Variants in MCC observed in about 807,000 individuals in gnomAD.
MCC encodes the protein MCC regulator of Wnt signaling pathway.
Under a neutral mutation model 116.2 loss-of-function variants are expected in MCC, and 90 were observed. The observed-to-expected ratio is 0.77, with a 90% CI of 0.65 to 0.92. The LOEUF (loss-of-function observed/expected upper bound fraction) is 0.92, where lower values mean the gene tolerates loss of function less well. Ranked by LOEUF, MCC falls within the 40% of genes least tolerant of loss-of-function variation. MCC has a pLI of 0.00. For synonymous variants in MCC, 578 were observed against 510.5 expected (o/e 1.13, Z -1.78); for missense variants, 1,516 against 1,312.2 (o/e 1.16, Z -2.40).
chr5:113,470,360 C>G (rs1326772108), intron 1 of MCC, among the ~76,000 whole-genome samples: 1 of 151,478 alleles, frequency 6.6e-6, no homozygotes, highest in Non-Finnish European at 1.5e-5. Flanking sequence ...TTCAGGAGCT[C>G]TTTTAGGGCA....
At chr5:113,446,486 T>C (rs1771222261) in intron 1 of MCC, among the ~76,000 whole-genome samples, 1 of 152,010 alleles carries the variant, frequency 6.6e-6, no homozygotes, top group African/African-American at 2.4e-5. Flanking sequence ...CTGATAAACA[T>C]GAAAAAACTG....
At position 113,071,225 on chromosome 5, in the gene MCC, C is replaced by A; in HGVS notation, c.1794G>T (p.Glu598Asp). 1 of 1,613,658 alleles carries A rather than the reference C, an allele frequency of 6.2e-7. No homozygotes were observed. Among genetic ancestry groups the A allele is most frequent in the South Asian group, 1.1e-5 (1 of 90,916 alleles). Reference sequence around the variant, plus strand: ...GGAGGTCATTTTGGGATTTGAGGTGCTCAATCCGGCTACAAAGGAACAAAA... The same window carrying A: ...GGAGGTCATTTTGGGATTTGAGGTGATCAATCCGGCTACAAAGGAACAAAA... Reference protein sequence around the residue: ...VETERLNSRIEHLKSQNDLLT... With the variant: ...VETERLNSRIDHLKSQNDLLT... Residue 598 changes from glutamate to aspartate, a missense_variant, in exon 12 of 19, where the codon GAG becomes GAT. By Grantham distance (45) the Glu-to-Asp change is conservative. Transcript: ENST00000408903.
At chr5:113,291,372 T>C (rs1020122885) in intron 3 of MCC, among the ~76,000 whole-genome samples, 2 of 152,146 alleles carry the variant, frequency 1.3e-5, no homozygotes, top group African/African-American at 4.8e-5. Context: ...CAACCAGAAA[T>C]TGATTAAACT....
chr5:113,068,177 C>G lies in MCC; in HGVS notation c.1932G>C (p.Gln644His), dbSNP rs1431184424. The change falls in exon 13 of 19, where the codon CAG (glutamine) becomes CAC (histidine). Residue 644 changes from glutamine (Q) to histidine (H), a missense_variant. Physicochemically the swap from Gln to His is conservative, Grantham distance 24. Coordinates refer to ENST00000408903, the MANE Select transcript of MCC (RefSeq NM_001085377.2). Reference protein sequence around the residue: ...ALRLALQYSEQCIEAYELLLA... With the variant: ...ALRLALQYSEHCIEAYELLLA... The stretch of plus-strand genomic sequence containing the variant: ...GGAGGAGTTCGTAGGCTTCGATGCA[C>G]TGCTCGCTGAAACAAAGCACATGGG... 7 of 1,613,686 alleles carry G rather than the reference C, an allele frequency of 4.3e-6. 1 individual carries two copies. In the South Asian group the frequency reaches 6.6e-5, roughly 15 times the overall value.
chr5:113,340,475 C>G, intron 3 of MCC, 44 bp downstream of exon 3: 1 of 1,532,606 alleles, frequency 6.5e-7, no homozygotes, highest in Non-Finnish European at 9.0e-7. Flanking sequence ...TATTGGAATA[C>G]AGACAGGCCG....
At chr5:113,247,513 A>C (rs997471244) in intron 3 of MCC, among the ~76,000 whole-genome samples, 17 of 152,226 alleles carry the variant, frequency 1.1e-4, no homozygotes, top group Non-Finnish European at 1.9e-4. Context: ...CTACTGGTAG[A>C]AATTTCTTCA....
Position 113,319,165 on chromosome 5 carries a change from G to A in MCC, c.627+21354C>T, listed in dbSNP as rs551115931. Among the ~76,000 whole-genome samples the A allele has an allele frequency of 2.6e-5, 4 of 152,342 alleles. No homozygotes were observed. The South Asian group carries it at 8.3e-4, about 32-fold the overall frequency. ...CTATAGGCGTGAACCTCTGTGCCAA[G>A]CCTTCTAATACTATTATTAATGGAA... On this transcript the variant is annotated intron_variant, in intron 3 of 18. Transcript: ENST00000408903.
chr5:113,045,209 T>C (rs1269281983), intron 16 of MCC, among the ~76,000 whole-genome samples: 6 of 152,330 alleles, frequency 3.9e-5, no homozygotes, highest in African/African-American at 1.4e-4. Flanking sequence ...TCTCACTGAA[T>C]ATACTTGGCA....
chr5:113,173,987 T>C (rs1304292444), intron 3 of MCC, among the ~76,000 whole-genome samples: 5 of 152,010 alleles, frequency 3.3e-5, no homozygotes, highest in African/African-American at 9.7e-5. Context: ...AAAGGGGAAA[T>C]GAACATGGAG....
intron 1 of MCC, among the ~76,000 whole-genome samples, chr5:113,412,755 C>T (rs1306108544): frequency 6.6e-6 from 1 of 152,136 alleles, no homozygotes; most frequent in African/African-American, 2.4e-5. Context: ...TAATTGAATA[C>T]CATTTATTTC....
chr5:113,069,787 T>C (rs1382479773), intron 12 of MCC, among the ~76,000 whole-genome samples: 1 of 152,098 alleles, frequency 6.6e-6, no homozygotes, highest in African/African-American at 2.4e-5. Flanking sequence ...GGGGTTTCAC[T>C]GTGTTAGCCA....
chr5:113,430,329 G>C (rs1770595918), intron 1 of MCC, among the ~76,000 whole-genome samples: 1 of 152,194 alleles, frequency 6.6e-6, no homozygotes, highest in Non-Finnish European at 1.5e-5. Flanking sequence ...TAGTAGGGCA[G>C]AGCACTAGGT....
rs540966129 is a variant in MCC, at chr5:113,025,214, T to C, written c.*2088A>G. 6.0e-5 allele frequency: 9 copies of C among 150,610 alleles called. No homozygotes were observed. The highest frequency in any genetic ancestry group is 8.8e-5 in the Non-Finnish European group (6 of 67,804). 9.3% of individuals were successfully genotyped at this position (150,610 alleles called of 1,614,324 possible). On this transcript the variant is annotated 3_prime_UTR_variant, in exon 19 of 19. Coordinates refer to ENST00000408903, the MANE Select transcript of MCC (RefSeq NM_001085377.2). Reference sequence around the variant, plus strand: ...CTTTGCTCAGGGGAGGACGTTTCCCTAGGCAAGCTGGAAAAATAGTGAAAA... The same window carrying C: ...CTTTGCTCAGGGGAGGACGTTTCCCCAGGCAAGCTGGAAAAATAGTGAAAA...
In MCC at chr5:113,063,593, G is replaced by A. The variant is rs76428589; in HGVS notation, c.2213+391C>T. Among the ~76,000 whole-genome samples the A allele has an allele frequency of 2.6e-3, 390 of 152,304 alleles. 11 individuals are homozygous for A. In the East Asian group the frequency reaches 0.041, roughly 16 times the overall value. On this transcript the variant is annotated intron_variant, in intron 14 of 18. Coordinates refer to ENST00000408903, the MANE Select transcript of MCC (RefSeq NM_001085377.2). ...CTAGGATGAGCTGGGCTGGGCCTTG[G>A]GACCAGAGGGACCATTTGGAGCAAA...
intron 3 of MCC, among the ~76,000 whole-genome samples, chr5:113,173,421 T>A (rs1287699389): frequency 6.6e-6 from 1 of 152,226 alleles, no homozygotes; most frequent in Non-Finnish European, 1.5e-5. Context: ...CAATATTATG[T>A]TTAATGTTGC....
intron 5 of MCC, among the ~76,000 whole-genome samples, chr5:113,139,462 T>C (rs184968433): frequency 8.5e-5 from 13 of 152,270 alleles, no homozygotes; most frequent in Non-Finnish European, 1.5e-4. Context: ...GAACCCTTAG[T>C]TCCTAATCTC....
At position 113,064,102 on chromosome 5, in the gene MCC, C is replaced by G; in HGVS notation, c.2095G>C (p.Ala699Pro). 1 of 1,614,222 alleles carries G rather than the reference C, an allele frequency of 6.2e-7. No individual in the cohort carries two copies. ...AGCAGGGCCTTGGCAGCGTTCTCAGCTGTCTTCCGGCAGTCATGAGCTCGC... is the reference window on the plus strand; with the variant it reads ...AGCAGGGCCTTGGCAGCGTTCTCAGGTGTCTTCCGGCAGTCATGAGCTCGC... ...LKRAHDCRKT[A>P]ENAAKALLMK... Residue 699 changes from alanine (A) to proline (P), a missense_variant, in exon 14 of 19, where the codon GCT (alanine) becomes CCT (proline). Ala to Pro is a conservative substitution (Grantham distance 27). Transcript: ENST00000408903.
Position 113,023,133 on chromosome 5 carries a change from C to T in MCC, c.*4169G>A, listed in dbSNP as rs1442030274. On this transcript the variant is annotated 3_prime_UTR_variant, in exon 19 of 19. Transcript: ENST00000408903. ...AGTCAGCATTATTTCTTAGAGAATA[C>T]AAATGTATTAAGTTAGAGTAATTTC... 1 of 152,120 alleles carries T rather than the reference C, an allele frequency of 6.6e-6. No individual in the cohort carries two copies. The highest frequency in any genetic ancestry group is 1.5e-5 in the Non-Finnish European group (1 of 68,028). 9.4% of individuals were successfully genotyped at this position (152,120 alleles called of 1,614,324 possible). A position where few individuals can be genotyped will look rare whatever the true frequency, so the allele number is the denominator to read the frequency against.
chr5:113,383,148 CA>C (rs1182383982), intron 2 of MCC, among the ~76,000 whole-genome samples: 1 of 151,986 alleles, frequency 6.6e-6, no homozygotes, highest in Non-Finnish European at 1.5e-5. Context: ...TTTTTTTTCA[CA>C]AAAAATTTCC....
Sources: allele counts gnomAD v4.1 joint callset (sites outside exome capture counted in the v4.1 genomes callset), GRCh38; gene constraint gnomAD v4.1.1; transcripts MANE v1.5; gene names NCBI Gene and HGNC (gene_info 2026-07-23, HGNC 2026-07-21).